Variants in AGBL1 observed in about 807,000 individuals in gnomAD.
The protein encoded by AGBL1 is cytosolic carboxypeptidase 4.
In AGBL1, 130 loss-of-function variants were observed where a neutral mutation model predicts 118.9. The ratio of observed to expected loss-of-function variants is 1.09; its 90% CI spans 0.95 to 1.26. AGBL1 has a LOEUF of 1.26. Ranked by LOEUF, AGBL1 falls within the 50% of genes most tolerant of loss-of-function variation. The pLI is 0.00. For synonymous variants in AGBL1, 555 were observed against 478.9 expected, an observed-to-expected ratio of 1.16 and a Z score of -2.08; for missense variants, 1,584 against 1,298.1, an observed-to-expected ratio of 1.22 and a Z score of -3.38.
intron 23 of AGBL1, among the ~76,000 whole-genome samples, chr15:86,976,669 A>G (rs2081179170): frequency 6.6e-6 from 1 of 152,052 alleles, no homozygotes; most frequent in South Asian, 2.1e-4. Flanking sequence ...TACCCAGCTC[A>G]ACAATATTAT....
At position 86,090,040 on chromosome 15, in the gene AGBL1, A is replaced by G. The variant is rs151316588; in HGVS notation, c.51+10017A>G. Among the ~76,000 whole-genome samples, 12 of 152,334 alleles carry G rather than the reference A, an allele frequency of 7.9e-5. No individual in the cohort carries two copies. In the East Asian group the frequency reaches 2.3e-3, roughly 29 times the overall value. ...TCGAGTACTTACTATGTACCAGGAA[A>G]TAGCCTAAGTATTTTTCCCGTCTTC... On this transcript the variant is annotated intron_variant, in intron 1 of 22. Transcript: ENST00000614907.
intron 17 of AGBL1, among the ~76,000 whole-genome samples, chr15:86,306,185 G>A (rs1019956511): frequency 2.0e-5 from 3 of 151,982 alleles, no homozygotes; most frequent in Non-Finnish European, 4.4e-5. Flanking sequence ...CATTATTTAA[G>A]TTATTTCAAA....
intron 18 of AGBL1, among the ~76,000 whole-genome samples, chr15:86,458,942 C>G (rs1466643353): frequency 6.6e-6 from 1 of 152,176 alleles, no homozygotes; most frequent in Non-Finnish European, 1.5e-5. Flanking sequence ...TAATTATATG[C>G]TACATGTCTC....
intron 22 of AGBL1, among the ~76,000 whole-genome samples, chr15:86,701,032 C>T (rs1241492555): frequency 6.6e-6 from 1 of 152,112 alleles, no homozygotes; most frequent in South Asian, 2.1e-4. Flanking sequence ...GTCCTGTGCT[C>T]ATTCCCTGGA....
At chr15:86,539,117 A>G (rs1385745296) in intron 19 of AGBL1, among the ~76,000 whole-genome samples, 3 of 152,172 alleles carry the variant, frequency 2.0e-5, no homozygotes, top group African/African-American at 7.2e-5. Context: ...AAACTGAGGC[A>G]CAGAGAGGGG....
intron 23 of AGBL1, among the ~76,000 whole-genome samples, chr15:86,934,531 G>A (rs1343010134): frequency 5.0e-5 from 4 of 79,942 alleles, no homozygotes; most frequent in Non-Finnish European, 6.5e-5. Context: ...ACCTTATATA[G>A]GTTAAAAAAA....
At chr15:86,633,447 A>G (rs1016638577) in intron 21 of AGBL1, among the ~76,000 whole-genome samples, 4 of 152,140 alleles carry the variant, frequency 2.6e-5, no homozygotes, top group African/African-American at 9.7e-5. Flanking sequence ...GACATCATGG[A>G]TCATCTTTTA....
At chr15:86,271,391 C>T (rs1264750735) in intron 14 of AGBL1, among the ~76,000 whole-genome samples, 1 of 152,102 alleles carries the variant, frequency 6.6e-6, no homozygotes, top group African/African-American at 2.4e-5. Context: ...GTCAAACCTC[C>T]CTCTACCTCC....
At chr15:86,304,365 T>C (rs760505223) in intron 17 of AGBL1, among the ~76,000 whole-genome samples, 2 of 152,188 alleles carry the variant, frequency 1.3e-5, no homozygotes, top group Non-Finnish European at 2.9e-5. Context: ...CCTTGTCATA[T>C]AGTATTCATG....
chr15:86,850,830 CAAAA>C (rs5814264), intron 22 of AGBL1, among the ~76,000 whole-genome samples: 71,576 of 151,486 alleles, frequency 0.47, 16,910 homozygotes, highest in South Asian at 0.54. Context: ...AAAAACAAAA[CAAAA>C]CAAAATGAAA....
At chr15:86,900,363 C>A (rs1393639822) in intron 22 of AGBL1, among the ~76,000 whole-genome samples, 2 of 152,224 alleles carry the variant, frequency 1.3e-5, no homozygotes, top group East Asian at 3.9e-4. Flanking sequence ...AGTTTCATCC[C>A]AGGAATCTAA....
intron 21 of AGBL1, among the ~76,000 whole-genome samples, chr15:86,665,364 T>TGTA (rs368104315): frequency 0.89 from 135,291 of 152,126 alleles, 60,342 homozygotes; most frequent in East Asian, 1. Context: ...CTGCAGTCTA[T>TGTA]CATTTTGCCA....
chr15:86,144,668 G>A (rs1413952036), intron 3 of AGBL1, among the ~76,000 whole-genome samples: 1 of 152,116 alleles, frequency 6.6e-6, no homozygotes, highest in Non-Finnish European at 1.5e-5. Context: ...GTCAGAGGAT[G>A]GAGGGTAAGA....
At chr15:86,297,859 G>T (rs1388263113) in intron 17 of AGBL1, among the ~76,000 whole-genome samples, 1 of 152,124 alleles carries the variant, frequency 6.6e-6, no homozygotes, top group South Asian at 2.1e-4. Flanking sequence ...TGACTCCTTT[G>T]TTATAACACA....
At chr15:86,576,228 T>C (rs2084089727) in intron 21 of AGBL1, among the ~76,000 whole-genome samples, 1 of 152,136 alleles carries the variant, frequency 6.6e-6, no homozygotes, top group East Asian at 1.9e-4. Context: ...GCAGAGTACA[T>C]GTATATAAAG....
intron 18 of AGBL1, among the ~76,000 whole-genome samples, chr15:86,517,926 A>G (rs974078516): frequency 6.6e-6 from 1 of 152,046 alleles, no homozygotes; most frequent in Non-Finnish European, 1.5e-5. Flanking sequence ...CTTCATAGAT[A>G]TTCTCCTCCT....
rs542806934 is a variant in AGBL1, at chr15:86,587,380, G to A, written c.2994+32843G>A. ...TAAGCAATTGTGCAGCAAGGCAGAT[G>A]GAATCCGAGCTCACCTGTGGCAGCA... On this transcript the variant is annotated intron_variant, in intron 21 of 22. Coordinates refer to ENST00000614907, the MANE Select transcript of AGBL1 (RefSeq NM_001386094.1). Among the ~76,000 whole-genome samples, 17 of 152,292 alleles carry A rather than the reference G, an allele frequency of 1.1e-4. No homozygotes were observed. The South Asian group carries it at 3.5e-3, about 32-fold the overall frequency.
chr15:86,841,159 T>C (rs2079239613), intron 22 of AGBL1, among the ~76,000 whole-genome samples: 1 of 152,224 alleles, frequency 6.6e-6, no homozygotes, highest in South Asian at 2.1e-4. Flanking sequence ...CAGCTCAGCA[T>C]TTCTTTGGCA....
chr15:86,134,574 C>T (rs2076860780), intron 1 of AGBL1, among the ~76,000 whole-genome samples: 1 of 149,086 alleles, frequency 6.7e-6, no homozygotes, highest in South Asian at 2.1e-4. Flanking sequence ...TTTTCCCCTC[C>T]ACTTTAAGAC....
Sources: allele counts gnomAD v4.1 joint callset (sites outside exome capture counted in the v4.1 genomes callset), GRCh38; gene constraint gnomAD v4.1.1; transcripts MANE v1.5; gene names NCBI Gene and HGNC (gene_info 2026-07-23, HGNC 2026-07-21).